SMYD3: variants seen among roughly 807,000 people sequenced by gnomAD.
SMYD3 encodes histone-lysine N-methyltransferase SMYD3.
A neutral mutation model predicts 57.7 loss-of-function variants in SMYD3; 36 were observed. That is an observed-to-expected ratio of 0.62 (90% CI 0.48 to 0.82). SMYD3 has a LOEUF of 0.82. Among genes scored for constraint, SMYD3 ranks in the 40% least tolerant of loss-of-function variants. SMYD3 has a pLI of 0.00. For synonymous variants in SMYD3, 211 were observed against 195.0 expected (o/e 1.08, Z -0.68); for missense variants, 515 against 538.8 (o/e 0.96, Z 0.44).
Position 245,843,019 on chromosome 1 carries a change from T to C in SMYD3, c.1076+15477A>G, listed in dbSNP as rs1407550353. On this transcript the variant is annotated intron_variant, in intron 10 of 11. Transcript: ENST00000490107. The stretch of plus-strand genomic sequence containing the variant: ...AGCCACCACACCCAGCTTATATGTA[T>C]TTTTTTAAAATAAAAACATTTTAAT... Among the ~76,000 whole-genome samples the C allele has an allele frequency of 3.3e-5, 5 of 152,196 alleles. 1 individual carries two copies. The highest frequency in any genetic ancestry group is 5.9e-5 in the Non-Finnish European group (4 of 68,040).
chr1:245,807,221 TAC>T (rs2048224141), intron 10 of SMYD3, among the ~76,000 whole-genome samples: 1 of 151,988 alleles, frequency 6.6e-6, no homozygotes, highest in Non-Finnish European at 1.5e-5. Context: ...CCACTCTCCT[TAC>T]ACAGAGACCA....
chr1:246,195,275 T>A (rs2062813753), intron 5 of SMYD3, among the ~76,000 whole-genome samples: 2 of 152,152 alleles, frequency 1.3e-5, no homozygotes, highest in East Asian at 3.9e-4. Flanking sequence ...GTTTTAATAA[T>A]GAGGGCAAAA....
intron 8 of SMYD3, among the ~76,000 whole-genome samples, chr1:245,886,829 T>C (rs1208689609): frequency 6.6e-6 from 1 of 152,188 alleles, no homozygotes; most frequent in Non-Finnish European, 1.5e-5. Flanking sequence ...CTCACTGTTC[T>C]AACAATGACT....
intron 5 of SMYD3, among the ~76,000 whole-genome samples, chr1:246,025,501 G>A (rs1377121386): frequency 6.6e-6 from 1 of 152,164 alleles, no homozygotes; most frequent in African/African-American, 2.4e-5. Context: ...TCATTTTCTG[G>A]AATTCATTAA....
chr1:246,209,409 TA>T (rs2063052303), intron 5 of SMYD3, among the ~76,000 whole-genome samples: 1 of 152,142 alleles, frequency 6.6e-6, no homozygotes, highest in African/African-American at 2.4e-5. Flanking sequence ...TGGTCTGCAT[TA>T]AGACCAAAAC....
At chr1:246,236,887 G>A (rs1239396968) in intron 5 of SMYD3, among the ~76,000 whole-genome samples, 1 of 152,132 alleles carries the variant, frequency 6.6e-6, no homozygotes, top group African/African-American at 2.4e-5. Context: ...AATGCACAAA[G>A]ACTGGGAATA....
chr1:246,501,624 C>T (rs893438369), intron 1 of SMYD3, among the ~76,000 whole-genome samples: 8 of 152,168 alleles, frequency 5.3e-5, no homozygotes, highest in African/African-American at 1.4e-4. Context: ...CCTGAGAAAC[C>T]ATGATCCACA....
At chr1:245,833,366 C>T (rs1248174296) in intron 10 of SMYD3, among the ~76,000 whole-genome samples, 1 of 152,194 alleles carries the variant, frequency 6.6e-6, no homozygotes, top group Non-Finnish European at 1.5e-5. Flanking sequence ...GTCATGTTGC[C>T]TCAGTCTCCT....
chr1:246,115,130 ACAGG>A (rs2061322794), intron 5 of SMYD3, among the ~76,000 whole-genome samples: 1 of 150,570 alleles, frequency 6.6e-6, no homozygotes, highest in Non-Finnish European at 1.5e-5. Flanking sequence ...AAAGAAGTGT[ACAGG>A]GAGAGAAATC....
intron 10 of SMYD3, among the ~76,000 whole-genome samples, chr1:245,848,315 T>A (rs1361976619): frequency 6.6e-6 from 1 of 151,904 alleles, no homozygotes; most frequent in Non-Finnish European, 1.5e-5. Context: ...AGAGATAGGG[T>A]TTCATCATGT....
At chr1:245,783,871 C>T (rs78116604) in intron 10 of SMYD3, among the ~76,000 whole-genome samples, 15 of 152,214 alleles carry the variant, frequency 9.9e-5, no homozygotes, top group African/African-American at 1.9e-4. Context: ...CTAAAACATA[C>T]GAAACACAGA....
chr1:246,140,269 G>A (rs909573098), intron 5 of SMYD3, among the ~76,000 whole-genome samples: 4 of 152,192 alleles, frequency 2.6e-5, no homozygotes, highest in Non-Finnish European at 4.4e-5. Flanking sequence ...CGCTTTGGAT[G>A]TGCATTATTT....
chr1:246,242,957 T>A (rs1394762282), intron 5 of SMYD3, among the ~76,000 whole-genome samples: 1 of 152,038 alleles, frequency 6.6e-6, no homozygotes, highest in Non-Finnish European at 1.5e-5. Flanking sequence ...ATAAAGTAAG[T>A]CCTTAGAGAC....
chr1:245,777,808 A>G (rs1430386362), intron 10 of SMYD3, among the ~76,000 whole-genome samples: 1 of 152,196 alleles, frequency 6.6e-6, no homozygotes, highest in African/African-American at 2.4e-5. Flanking sequence ...CGTACTCCAC[A>G]CTCTGCAGCT....
At chr1:245,917,793 T>TG (rs1274930054) in intron 7 of SMYD3, among the ~76,000 whole-genome samples, 1 of 152,034 alleles carries the variant, frequency 6.6e-6, no homozygotes, top group African/African-American at 2.4e-5. Context: ...GTATGTGTGG[T>TG]GGGGGGAGAA....
chr1:246,176,831 C>T (rs1466328046), intron 5 of SMYD3, among the ~76,000 whole-genome samples: 3 of 152,100 alleles, frequency 2.0e-5, no homozygotes, highest in African/African-American at 7.2e-5. Flanking sequence ...CTATACTGGC[C>T]GTTTGTTAAT....
At chr1:246,354,062 C>T (rs932052924) in intron 2 of SMYD3, among the ~76,000 whole-genome samples, 1 of 151,964 alleles carries the variant, frequency 6.6e-6, no homozygotes, top group Non-Finnish European at 1.5e-5. Flanking sequence ...CAAGCATGGC[C>T]TAAATTTAAA....
At chr1:246,256,009 CATAG>C (rs1488806183) in intron 5 of SMYD3, among the ~76,000 whole-genome samples, 89 of 151,782 alleles carry the variant, frequency 5.9e-4, no homozygotes, top group African/African-American at 2.0e-3. Flanking sequence ...TACATACATA[CATAG>C]ATACATAGAT....
intron 5 of SMYD3, among the ~76,000 whole-genome samples, chr1:246,159,868 A>G (rs759503808): frequency 1.3e-5 from 2 of 151,762 alleles, no homozygotes; most frequent in Non-Finnish European, 2.9e-5. Flanking sequence ...TGGTCTTGCT[A>G]TGCTGCCCAG....
Sources: allele counts gnomAD v4.1 joint callset (sites outside exome capture counted in the v4.1 genomes callset), GRCh38; gene constraint gnomAD v4.1.1; transcripts MANE v1.5; gene names NCBI Gene and HGNC (gene_info 2026-07-23, HGNC 2026-07-21).